PCDHA7: variants seen among roughly 807,000 people sequenced by gnomAD.
The protein encoded by PCDHA7 is protocadherin alpha 7, also known as protocadherin alpha-7.
Under a neutral mutation model 57.2 loss-of-function variants are expected in PCDHA7, and 37 were observed. That is an observed-to-expected ratio of 0.65 (90% CI 0.50 to 0.85). The LOEUF (loss-of-function observed/expected upper bound fraction) is 0.85, where lower values mean the gene tolerates loss of function less well. Among genes scored for constraint, PCDHA7 ranks in the 40% least tolerant of loss-of-function variants. The pLI, the probability that PCDHA7 is intolerant of heterozygous loss-of-function variation, is 0.00. For synonymous variants in PCDHA7, 553 were observed against 558.8 expected, an observed-to-expected ratio of 0.99 and a Z score of 0.15; for missense variants, 1,188 against 1,241.8, an observed-to-expected ratio of 0.96 and a Z score of 0.65.
chr5:140,988,557 T>G (rs1236263807), intron 3 of PCDHA7, among the ~76,000 whole-genome samples: 3 of 152,190 alleles, frequency 2.0e-5, no homozygotes, highest in African/African-American at 7.2e-5. Context: ...CTTCATCTTC[T>G]TCTTGGGAAA....
intron 1 of PCDHA7, chr5:140,876,947 A>C: frequency 6.2e-7 from 1 of 1,613,496 alleles, no homozygotes; most frequent in Non-Finnish European, 8.5e-7. Flanking sequence ...CTGGTGTCCT[A>C]CTCGCTGGTG....
At chr5:140,845,448 T>C (rs1375604335) in intron 1 of PCDHA7, among the ~76,000 whole-genome samples, 1 of 149,710 alleles carries the variant, frequency 6.7e-6, no homozygotes, top group Non-Finnish European at 1.5e-5. Context: ...CTGTTTTTCT[T>C]CAACTCTCTG....
At position 140,835,866 on chromosome 5, in the gene PCDHA7, G is replaced by A. The variant is rs2150246890; in HGVS notation, c.1483G>A (p.Val495Met). 6.2e-7 allele frequency: 1 copy of A among 1,612,132 alleles called. No homozygotes were observed. The change falls in exon 1 of 4, where the codon GTG (valine) becomes ATG (methionine). Residue 495 changes from valine to methionine, a missense_variant. Physicochemically the swap from Val to Met is conservative, Grantham distance 21. Around this residue, in one of 3 missense-constraint regions of PCDHA7, gnomAD observed 892 missense variants for 788.5 expected, o/e 1.13. Coordinates refer to ENST00000525929, the MANE Select transcript of PCDHA7 (RefSeq NM_018910.3). Reference sequence around the variant, plus strand: ...GAACGCGCTGGTGTCCTACTCGCTGGTGGAGCTGCGGGTGGGCGAGCGCGC... The same window carrying A: ...GAACGCGCTGGTGTCCTACTCGCTGATGGAGCTGCGGGTGGGCGAGCGCGC... ...QKNALVSYSL[V>M]ELRVGERALS...
chr5:140,944,003 C>A (rs1185007409), intron 1 of PCDHA7, among the ~76,000 whole-genome samples: 11 of 152,038 alleles, frequency 7.2e-5, no homozygotes, highest in African/African-American at 2.2e-4. Flanking sequence ...CTACTGAGTA[C>A]CCCCCAAAAG....
intron 1 of PCDHA7, chr5:140,852,646 A>G (rs1554146012): frequency 1.0e-6 from 1 of 958,708 alleles, no homozygotes; most frequent in Admixed American, 6.4e-5. Context: ...CATTAAACCT[A>G]TCTATATCTG....
At chr5:140,928,065 T>G in intron 1 of PCDHA7, 20 of 1,614,198 alleles carry the variant, frequency 1.2e-5, no homozygotes, top group Non-Finnish European at 1.6e-5. Context: ...CGGCTTCCTT[T>G]GACAACTACT....
At chr5:140,941,248 T>TTTCTTTCG (rs1563187616) in intron 1 of PCDHA7, among the ~76,000 whole-genome samples, 2 of 141,492 alleles carry the variant, frequency 1.4e-5, no homozygotes, top group Non-Finnish European at 3.1e-5. Context: ...TCTTTCTTTC[T>TTTCTTTCG]TTCTTTCTCT....
At position 140,835,793 on chromosome 5, in the gene PCDHA7, G is replaced by A. The variant is rs17844310; in HGVS notation, c.1410G>A (p.Pro470=). The A allele has an allele frequency of 5.6e-5, 90 of 1,613,102 alleles. 1 individual carries two copies. The East Asian group carries it at 1.8e-3, about 33-fold the overall frequency. The change falls in exon 1 of 4, where the codon CCG becomes CCA. Residue 470 remains proline, a synonymous_variant. Transcript: ENST00000525929. ...YTVFVKENNP[P]GCHIFTVSAG... ...TGTTCGTGAAGGAGAACAACCCGCC[G>A]GGCTGCCACATCTTCACTGTGTCGG... is the stretch of plus-strand genomic sequence containing the variant.
intron 1 of PCDHA7, among the ~76,000 whole-genome samples, chr5:140,910,353 A>G (rs938677700): frequency 1.1e-4 from 16 of 152,306 alleles, no homozygotes; most frequent in African/African-American, 3.8e-4. Context: ...TCTGCTGTCC[A>G]TTATGGTAGC....
intron 1 of PCDHA7, chr5:140,871,528 T>G: frequency 2.0e-6 from 3 of 1,530,602 alleles, no homozygotes; most frequent in Non-Finnish European, 2.6e-6. Context: ...TATCAGGAAG[T>G]GTATGTGAAA....
At chr5:140,905,144 A>G (rs2071622994) in intron 1 of PCDHA7, among the ~76,000 whole-genome samples, 2 of 152,130 alleles carry the variant, frequency 1.3e-5, no homozygotes, top group African/African-American at 2.4e-5. Context: ...TTCTGCTGTT[A>G]TATTTTAGAA....
At chr5:140,930,711 C>G (rs10214249) in intron 1 of PCDHA7, among the ~76,000 whole-genome samples, 2,020 of 152,280 alleles carry the variant, frequency 0.013, 38 homozygotes, top group African/African-American at 0.046. Flanking sequence ...TATTCTTCCT[C>G]AAGTAATGAT....
intron 1 of PCDHA7, among the ~76,000 whole-genome samples, chr5:140,975,398 TCA>T (rs1554236785): frequency 1.3e-4 from 20 of 152,270 alleles, no homozygotes. Flanking sequence ...TCCATCACAA[TCA>T]CAGTCTTGGA....
At chr5:140,958,145 A>G (rs1044763099) in intron 1 of PCDHA7, among the ~76,000 whole-genome samples, 4 of 152,156 alleles carry the variant, frequency 2.6e-5, no homozygotes, top group African/African-American at 4.8e-5. Context: ...GTATATTTAT[A>G]TAGCATAGTC....
At chr5:140,973,040 T>G (rs529820612) in intron 1 of PCDHA7, among the ~76,000 whole-genome samples, 23 of 152,264 alleles carry the variant, frequency 1.5e-4, no homozygotes, top group African/African-American at 5.5e-4. Flanking sequence ...CTTTGAGTAC[T>G]CTAGTAGATT....
At chr5:140,886,921 C>T (rs778306326) in intron 1 of PCDHA7, among the ~76,000 whole-genome samples, 2 of 151,406 alleles carry the variant, frequency 1.3e-5, no homozygotes, top group African/African-American at 4.9e-5. Context: ...TGAGTGTTCT[C>T]TATGTGCCAG....
chr5:140,906,438 G>T (rs1264031299), intron 1 of PCDHA7, among the ~76,000 whole-genome samples: 1 of 152,016 alleles, frequency 6.6e-6, no homozygotes, highest in Non-Finnish European at 1.5e-5. Context: ...TGATAAACAA[G>T]AAAGGAAATA....
At chr5:140,912,613 T>C in intron 1 of PCDHA7, among the ~76,000 whole-genome samples, 1 of 152,290 alleles carries the variant, frequency 6.6e-6, no homozygotes, top group Middle Eastern at 3.4e-3. Flanking sequence ...TCTTGTCTGA[T>C]TACTCTGGAT....
At chr5:140,897,419 A>G (rs1329501260) in intron 1 of PCDHA7, among the ~76,000 whole-genome samples, 2 of 141,212 alleles carry the variant, frequency 1.4e-5, no homozygotes, top group East Asian at 4.3e-4. Flanking sequence ...ATTCCCATCT[A>G]TGAGTGAGAA....
Sources: gnomAD v4.1 joint callset for allele counts (sites outside exome capture counted in the v4.1 genomes callset) on GRCh38, gnomAD v4.1.1 for gene constraint, gnomAD v4.1.1 regional missense constraint, MANE v1.5 for transcripts, NCBI Gene and HGNC (gene_info 2026-07-23, HGNC 2026-07-21) for gene names.